The following DYSF variants were observed in gnomAD, a reference collection of about 807,000 sequenced individuals.
DYSF encodes the protein dysferlin.
Under a neutral mutation model 274.9 loss-of-function variants are expected in DYSF, and 212 were observed. The ratio of observed to expected loss-of-function variants is 0.77; its 90% CI spans 0.69 to 0.86. The LOEUF is 0.86. DYSF is among the 40% of genes least tolerant of loss of function. The pLI, the probability that DYSF is intolerant of heterozygous loss-of-function variation, is 0.00. For missense variants in DYSF, 2,666 were observed against 2,783.2 expected (o/e 0.96, Z 0.95); for synonymous variants, 1,091 against 1,078.7 (o/e 1.01, Z -0.22).
At position 71,685,963 on chromosome 2, in the gene DYSF, C is replaced by G. The variant is rs558004218; in HGVS notation, c.6322-491C>G. Among the ~76,000 whole-genome samples the G allele has an allele frequency of 1.9e-3, 296 of 152,314 alleles. 1 individual carries two copies. The highest frequency in any genetic ancestry group is 6.5e-3 in the African/African-American group (269 of 41,572). On this transcript the variant is annotated intron_variant, in intron 55 of 55. Transcript: ENST00000410020. ...GTGGGTCATCCACGACAGCCCATCC[C>G]CAACTCTCTCTCTGCTTTCTGGACA...
At chr2:71,599,187 G>A (rs777209266) in intron 33 of DYSF, among the ~76,000 whole-genome samples, 4 of 152,168 alleles carry the variant, frequency 2.6e-5, no homozygotes, top group East Asian at 1.9e-4. Flanking sequence ...GTGAGAGCAC[G>A]GGTCCCCGAG....
intron 42 of DYSF, among the ~76,000 whole-genome samples, chr2:71,652,934 T>C (rs1240950273): frequency 3.9e-5 from 6 of 152,182 alleles, no homozygotes; most frequent in Admixed American, 3.3e-4. Context: ...TAGCAAAAAA[T>C]AAATTAAATT....
intron 42 of DYSF, among the ~76,000 whole-genome samples, chr2:71,647,235 A>G (rs2094580838): frequency 6.6e-6 from 1 of 152,220 alleles, no homozygotes. Flanking sequence ...GCTACATGAA[A>G]TTAAAGTTAT....
chr2:71,644,485 C>T (rs550004036), intron 42 of DYSF, among the ~76,000 whole-genome samples: 4 of 152,200 alleles, frequency 2.6e-5, no homozygotes, highest in African/African-American at 9.6e-5. Flanking sequence ...CCATGTCTTT[C>T]AGTGTTATTT....
At chr2:71,471,344 C>G (rs1030845518) in intron 1 of DYSF, among the ~76,000 whole-genome samples, 9 of 152,020 alleles carry the variant, frequency 5.9e-5, no homozygotes, top group African/African-American at 1.7e-4. Context: ...GCAGTTTTTT[C>G]CTCAGATGAC....
intron 14 of DYSF, among the ~76,000 whole-genome samples, chr2:71,533,213 C>A (rs2088944686): frequency 6.6e-6 from 1 of 152,138 alleles, no homozygotes; most frequent in Non-Finnish European, 1.5e-5. Flanking sequence ...AGAGACAGGG[C>A]TTTGCCACAT....
rs143037170 is a variant in DYSF, at chr2:71,600,272, C to T, written c.3757-430C>T. ...TTGATGAACGTGATCACAGTTTCCC[C>T]ATTTGCAAAGTGGGTGGGAATTTAA... On this transcript the variant is annotated intron_variant, in intron 33 of 55. Coordinates refer to ENST00000410020, the MANE Select transcript of DYSF (RefSeq NM_001130987.2). Among the ~76,000 whole-genome samples, 689 of 152,320 alleles carry T rather than the reference C, an allele frequency of 4.5e-3. 3 individuals are homozygous for T. The highest frequency in any genetic ancestry group is 0.014 in the African/African-American group (573 of 41,568).
intron 26 of DYSF, among the ~76,000 whole-genome samples, chr2:71,569,169 T>A (rs999592878): frequency 6.6e-6 from 1 of 152,254 alleles, no homozygotes; most frequent in Non-Finnish European, 1.5e-5. Flanking sequence ...CCACCGCGCC[T>A]GGCCCAGGCC....
intron 45 of DYSF, among the ~76,000 whole-genome samples, chr2:71,661,094 G>T (rs935169718): frequency 2.8e-5 from 4 of 144,902 alleles, no homozygotes; most frequent in Admixed American, 6.9e-5. Flanking sequence ...TCCAGCCTGG[G>T]TGACAGAGCA....
chr2:71,539,145 C>A lies in DYSF; in HGVS notation c.1494-12C>A. On this transcript the variant is annotated splice_polypyrimidine_tract_variant and intron_variant, in intron 16 of 55. Coordinates refer to ENST00000410020, the MANE Select transcript of DYSF (RefSeq NM_001130987.2). ...TTCCTGTGTTCAGGCCCTCTCTGCTCCCTTGCTCTAGGGACCGCCTGACTC... is the reference window on the plus strand; with the variant it reads ...TTCCTGTGTTCAGGCCCTCTCTGCTACCTTGCTCTAGGGACCGCCTGACTC... The A allele has an allele frequency of 6.2e-7, 1 of 1,613,580 alleles. No individual in the cohort carries two copies. Among genetic ancestry groups the A allele is most frequent in the Non-Finnish European group, 8.5e-7 (1 of 1,179,576 alleles).
At chr2:71,582,639 T>C (rs1350654305) in intron 30 of DYSF, among the ~76,000 whole-genome samples, 1 of 152,196 alleles carries the variant, frequency 6.6e-6, no homozygotes, top group Admixed American at 6.5e-5. Flanking sequence ...TGCTGGTCAA[T>C]GTTTAACAAC....
chr2:71,637,990 G>T (rs527350673), intron 41 of DYSF, among the ~76,000 whole-genome samples: 2 of 152,048 alleles, frequency 1.3e-5, no homozygotes, highest in South Asian at 4.1e-4. Flanking sequence ...TGAGTCTGCT[G>T]GGGAACAGCA....
chr2:71,629,786 G>A (rs114345981), intron 41 of DYSF, among the ~76,000 whole-genome samples: 2,575 of 152,182 alleles, frequency 0.017, 62 homozygotes, highest in African/African-American at 0.059. Flanking sequence ...GTTAATTTAG[G>A]TGTTCTTACT....
chr2:71,546,862 C>T (rs971606225), intron 17 of DYSF, among the ~76,000 whole-genome samples: 8 of 152,230 alleles, frequency 5.3e-5, no homozygotes, highest in Non-Finnish European at 8.8e-5. Flanking sequence ...AGGGAGCTGG[C>T]GGGGCAGACC....
chr2:71,584,739 G>A (rs2093009008), intron 30 of DYSF, among the ~76,000 whole-genome samples: 1 of 152,230 alleles, frequency 6.6e-6, no homozygotes, highest in African/African-American at 2.4e-5. Context: ...GGTAGATGCA[G>A]GGGAGAAGCT....
chr2:71,663,124 G>C (rs1254408861), intron 45 of DYSF, among the ~76,000 whole-genome samples: 1 of 152,190 alleles, frequency 6.6e-6, no homozygotes, highest in African/African-American at 2.4e-5. Flanking sequence ...TGCTCTGGCT[G>C]ACCTCTGAGG....
chr2:71,677,866 C>T (rs1304548092), intron 52 of DYSF, among the ~76,000 whole-genome samples: 2 of 152,128 alleles, frequency 1.3e-5, no homozygotes. Context: ...GAATTGAAAA[C>T]AGGGACTCAG....
At chr2:71,664,638 TA>T (rs1358582035) in intron 46 of DYSF, among the ~76,000 whole-genome samples, 200 bp downstream of exon 46, 2 of 152,168 alleles carry the variant, frequency 1.3e-5, no homozygotes, top group Non-Finnish European at 2.9e-5. Flanking sequence ...TTATTGCTTG[TA>T]AGTGGTGGAA....
chr2:71,470,765 CTTCCTTCCTTCCTTCCTTCA>C (rs1482119810), intron 1 of DYSF, among the ~76,000 whole-genome samples: 13 of 142,798 alleles, frequency 9.1e-5, no homozygotes, highest in African/African-American at 2.9e-4. Context: ...TCCTTCCTTC[CTTCCTTCCTTCCTTCCTTCA>C]TTCCTTCCTT....
Sources: allele counts gnomAD v4.1 joint callset (sites outside exome capture counted in the v4.1 genomes callset), GRCh38; gene constraint gnomAD v4.1.1; transcripts MANE v1.5; gene names NCBI Gene and HGNC (gene_info 2026-07-23, HGNC 2026-07-21).